The following PYHIN1 variants were observed in gnomAD, a reference collection of about 807,000 sequenced individuals.
PYHIN1 encodes pyrin and HIN domain family member 1.
PYHIN1 carries 32 observed loss-of-function variants against 43.7 expected under a neutral mutation model. The ratio of observed to expected loss-of-function variants is 0.73; its 90% confidence interval spans 0.55 to 0.98. The LOEUF is 0.98. PYHIN1 is among the 50% of genes least tolerant of loss of function. PYHIN1 has a pLI of 0.00. For synonymous variants in PYHIN1, 205 were observed against 203.1 expected, an observed-to-expected ratio of 1.01 and a Z score of -0.08; for missense variants, 588 against 589.5, an observed-to-expected ratio of 1.00 and a Z score of 0.03.
chr1:158,934,884 C>T (rs1648422795), intron 1 of PYHIN1, among the ~76,000 whole-genome samples: 1 of 152,140 alleles, frequency 6.6e-6, no homozygotes, highest in Non-Finnish European at 1.5e-5. Flanking sequence ...CACCCACCAC[C>T]ATGCCTGGCT....
chr1:158,939,365 C>A, intron 4 of PYHIN1, 118 bp downstream of exon 4: 1 of 1,604,128 alleles, frequency 6.2e-7, no homozygotes, highest in South Asian at 1.1e-5. Context: ...AATGTATAGA[C>A]TGAGAATTCA....
At chr1:158,937,546 C>T (rs1345152517) in intron 2 of PYHIN1, among the ~76,000 whole-genome samples, 1 of 152,182 alleles carries the variant, frequency 6.6e-6, no homozygotes, top group Non-Finnish European at 1.5e-5. Context: ...GAATATTCAA[C>T]ACACCATCAT....
downstream of PYHIN1, among the ~76,000 whole-genome samples, chr1:158,978,352 AC>A (rs1297214431): frequency 6.6e-6 from 1 of 151,986 alleles, no homozygotes; most frequent in Non-Finnish European, 1.5e-5. Context: ...TTTTGAAGCC[AC>A]CGAATTTTTT....
chr1:158,956,002 G>A (rs1407830201), intron 7 of PYHIN1, among the ~76,000 whole-genome samples: 1 of 143,510 alleles, frequency 7.0e-6, no homozygotes. Context: ...AGAAAATCTA[G>A]AAGAAATGGA....
chr1:158,948,105 T>A (rs748906207), intron 7 of PYHIN1, among the ~76,000 whole-genome samples: 6 of 152,206 alleles, frequency 3.9e-5, no homozygotes, highest in African/African-American at 1.4e-4. Context: ...AGCATACAGA[T>A]GTGTGCAGCA....
downstream of PYHIN1, among the ~76,000 whole-genome samples, chr1:158,980,482 C>T (rs540701445): frequency 6.6e-6 from 1 of 152,034 alleles, no homozygotes; most frequent in African/African-American, 2.4e-5. Context: ...CTTTTCCTAG[C>T]AAGGAATGTT....
At chr1:158,975,359 G>C (rs967901358) in intron 8 of PYHIN1, among the ~76,000 whole-genome samples, 1 of 152,046 alleles carries the variant, frequency 6.6e-6, no homozygotes, top group Admixed American at 6.6e-5. Context: ...GCCCAGAATG[G>C]TTGGGAAAAC....
chr1:158,965,925 A>G (rs1197097737), intron 7 of PYHIN1, among the ~76,000 whole-genome samples: 1 of 151,966 alleles, frequency 6.6e-6, no homozygotes, highest in East Asian at 1.9e-4. Context: ...TGAAAAAAAC[A>G]GACAAAGATC....
At chr1:158,941,503 C>T (rs749140114) in intron 4 of PYHIN1, among the ~76,000 whole-genome samples, 2 of 152,150 alleles carry the variant, frequency 1.3e-5, no homozygotes, top group Admixed American at 6.5e-5. Flanking sequence ...GAGTTGTATG[C>T]TAAAAATTGC....
At chr1:158,988,068 T>A in the PYHIN1 span, among the ~76,000 whole-genome samples, 2 of 152,332 alleles carry the variant, frequency 1.3e-5, no homozygotes, top group Non-Finnish European at 2.9e-5. Context: ...GGACAGATTC[T>A]TTCACAGCCA....
chr1:158,953,142 G>T (rs1317340017), intron 7 of PYHIN1, among the ~76,000 whole-genome samples: 2 of 152,082 alleles, frequency 1.3e-5, no homozygotes, highest in Admixed American at 1.3e-4. Context: ...AGCAGTCTGA[G>T]ATCAAACTGC....
At chr1:158,965,274 T>C (rs1399944535) in intron 7 of PYHIN1, among the ~76,000 whole-genome samples, 1 of 151,666 alleles carries the variant, frequency 6.6e-6, no homozygotes, top group Non-Finnish European at 1.5e-5. Flanking sequence ...AGACTTAGAG[T>C]CACATACAAT....
chr1:158,972,087 G>C (rs1383668405), intron 7 of PYHIN1, among the ~76,000 whole-genome samples: 1 of 151,938 alleles, frequency 6.6e-6, no homozygotes, highest in Admixed American at 6.6e-5. Context: ...CAGAAAAGTC[G>C]ATCTTTTCTT....
At chr1:158,945,146 C>A in intron 7 of PYHIN1, 104 bp downstream of exon 7, 1 of 1,176,606 alleles carries the variant, frequency 8.5e-7, no homozygotes, top group Non-Finnish European at 1.2e-6. Context: ...TGTGTACAAT[C>A]TCTAGATAAA....
chr1:158,979,263 C>CACTTCAG (rs2101748401), downstream of PYHIN1, among the ~76,000 whole-genome samples: 1 of 152,312 alleles, frequency 6.6e-6, no homozygotes, highest in Admixed American at 6.5e-5. Context: ...ATTCATCTGG[C>CACTTCAG]ATATCTGAAG....
downstream of PYHIN1, chr1:158,977,171 G>C (rs1651326289): frequency 1.3e-5 from 2 of 152,440 alleles, no homozygotes; most frequent in Admixed American, 1.3e-4. Context: ...GATCTTTAAG[G>C]AATAGGCCCT....
At chr1:158,988,620 T>C in the PYHIN1 span, among the ~76,000 whole-genome samples, 1 of 152,308 alleles carries the variant, frequency 6.6e-6, no homozygotes, top group South Asian at 2.1e-4. Flanking sequence ...CTCTCTTGGC[T>C]GTATTGAGTT....
chr1:158,984,349 T>G, the PYHIN1 span, among the ~76,000 whole-genome samples: 1 of 152,130 alleles, frequency 6.6e-6, no homozygotes, highest in African/African-American at 2.4e-5. Context: ...TATTGTATTT[T>G]TGTTTTCATT....
In PYHIN1 at chr1:158,933,618, G is replaced by A. The variant is rs2101636220; in HGVS notation, c.-21+1842G>A. ...AACTAGTTAACCTCTTTATGTATAG[G>A]CTAATAATTAACATATTTTGGCCTG... is the stretch of plus-strand genomic sequence containing the variant. On this transcript the variant is annotated intron_variant, in intron 1 of 8. Transcript: ENST00000368140. The surrounding 1 kb of genome is among the most constrained non-coding windows in gnomAD (Gnocchi z 6.3). 6.6e-6 allele frequency among the ~76,000 whole-genome samples: 1 copy of A among 151,954 alleles called. No homozygotes were observed. Among genetic ancestry groups the A allele is most frequent in the South Asian group, 2.1e-4 (1 of 4,820 alleles).
Sources: gnomAD v4.1 joint callset for allele counts (sites outside exome capture counted in the v4.1 genomes callset) on GRCh38, gnomAD v4.1.1 for gene constraint, Gnocchi (gnomAD v3.1) non-coding constraint, MANE v1.5 for transcripts, NCBI Gene and HGNC (gene_info 2026-07-23, HGNC 2026-07-21) for gene names.